The following NFIB variants were observed in gnomAD, a reference collection of about 807,000 sequenced individuals.
The protein encoded by NFIB is nuclear factor I B.
Under a neutral mutation model 61.5 loss-of-function variants are expected in NFIB, and 11 were observed. The observed-to-expected ratio is 0.18, with a 90% confidence interval of 0.11 to 0.30. The LOEUF is 0.30. Ranked by LOEUF, NFIB falls within the 10% of genes least tolerant of loss-of-function variation. NFIB has a pLI of 1.00. For missense variants in NFIB, 471 were observed against 608.9 expected, an observed-to-expected ratio of 0.77 and a Z score of 2.38; for synonymous variants, 260 against 216.5, an observed-to-expected ratio of 1.20 and a Z score of -1.76.
the NFIB span, among the ~76,000 whole-genome samples, chr9:14,480,947 T>C: frequency 6.6e-6 from 1 of 151,690 alleles, no homozygotes; most frequent in Non-Finnish European, 1.5e-5. Context: ...AATTAAGTTC[T>C]AAAAAATAAA....
At chr9:14,280,573 A>G (rs984638719) in intron 2 of NFIB, among the ~76,000 whole-genome samples, 1 of 152,168 alleles carries the variant, frequency 6.6e-6, no homozygotes, top group African/African-American at 2.4e-5. Flanking sequence ...TCAATTTATA[A>G]CACACCTTAA....
the NFIB span, among the ~76,000 whole-genome samples, chr9:14,531,021 T>G: frequency 6.6e-6 from 1 of 152,216 alleles, no homozygotes; most frequent in African/African-American, 2.4e-5. Flanking sequence ...TTCCCCATTC[T>G]TGTCACGACT....
At chr9:14,209,967 T>C (rs2050148093) in intron 2 of NFIB, among the ~76,000 whole-genome samples, 1 of 152,212 alleles carries the variant, frequency 6.6e-6, no homozygotes, top group African/African-American at 2.4e-5. Context: ...AAATGCTTTT[T>C]ATTTAATACA....
chr9:14,318,629 T>C (rs2060596285), upstream of NFIB, among the ~76,000 whole-genome samples: 1 of 147,322 alleles, frequency 6.8e-6, no homozygotes, highest in Non-Finnish European at 1.5e-5. Context: ...AAGAGACAGA[T>C]GACCTCCTGA....
At chr9:14,455,865 A>G in the NFIB span, among the ~76,000 whole-genome samples, 5 of 152,320 alleles carry the variant, frequency 3.3e-5, no homozygotes, top group Non-Finnish European at 7.3e-5. Flanking sequence ...TAAAACATAG[A>G]ATCTAAATAA....
chr9:14,291,909 T>A (rs2059128215), intron 2 of NFIB, among the ~76,000 whole-genome samples: 1 of 152,110 alleles, frequency 6.6e-6, no homozygotes, highest in Non-Finnish European at 1.5e-5. Flanking sequence ...TCAACCAGCA[T>A]CAAATTTTGG....
intron 1 of NFIB, among the ~76,000 whole-genome samples, chr9:14,393,922 A>T (rs1197136716): frequency 2.6e-5 from 4 of 152,244 alleles, no homozygotes; most frequent in Non-Finnish European, 5.9e-5. Flanking sequence ...TAACAAATAC[A>T]GAAATGGTTA....
chr9:14,441,864 G>A, the NFIB span, among the ~76,000 whole-genome samples: 13 of 152,140 alleles, frequency 8.5e-5, no homozygotes, highest in African/African-American at 2.2e-4. Flanking sequence ...GTACACTTAC[G>A]AGAGGCAACT....
At chr9:14,242,713 TCAAC>T (rs545752354) in intron 2 of NFIB, among the ~76,000 whole-genome samples, 90 of 152,280 alleles carry the variant, frequency 5.9e-4, no homozygotes, top group Admixed American at 2.4e-3. Flanking sequence ...GGGTATATGA[TCAAC>T]AAAGCAATTA....
chr9:14,422,909 T>C, the NFIB span, among the ~76,000 whole-genome samples: 1 of 152,174 alleles, frequency 6.6e-6, no homozygotes, highest in South Asian at 2.1e-4. Flanking sequence ...GCCCCCAGCC[T>C]CCATCTAGAG....
chr9:14,490,410 C>T, the NFIB span, among the ~76,000 whole-genome samples: 3 of 151,992 alleles, frequency 2.0e-5, no homozygotes, highest in African/African-American at 4.8e-5. Context: ...AGTAGAAAAA[C>T]ATTTCTTTAA....
chr9:14,380,724 G>A (rs564320935), intron 1 of NFIB, among the ~76,000 whole-genome samples: 3 of 152,258 alleles, frequency 2.0e-5, no homozygotes, highest in East Asian at 1.9e-4. Context: ...GGAGCATGGT[G>A]CTTTTTATAC....
At chr9:14,458,752 A>G in the NFIB span, among the ~76,000 whole-genome samples, 55 of 152,186 alleles carry the variant, frequency 3.6e-4, no homozygotes, top group African/African-American at 1.1e-3. Flanking sequence ...AATCATGAGT[A>G]AACTCCCATT....
intron 2 of NFIB, among the ~76,000 whole-genome samples, chr9:14,305,227 G>T (rs1378519015): frequency 2.0e-5 from 3 of 152,092 alleles, no homozygotes; most frequent in Non-Finnish European, 4.4e-5. Context: ...GAGTAAATGT[G>T]CATGCAGGCA....
the NFIB span, among the ~76,000 whole-genome samples, chr9:14,515,188 T>C: frequency 2.0e-5 from 3 of 151,590 alleles, no homozygotes; most frequent in South Asian, 2.1e-4. Context: ...ATAAGGGGCA[T>C]TGGGAAGCTA....
chr9:14,367,993 C>T (rs903972836), intron 1 of NFIB, among the ~76,000 whole-genome samples: 2 of 152,110 alleles, frequency 1.3e-5, no homozygotes, highest in Non-Finnish European at 2.9e-5. Context: ...CAAACCTGCA[C>T]GTTCTGCACA....
At chr9:14,292,001 G>A (rs1306752377) in intron 2 of NFIB, among the ~76,000 whole-genome samples, 1 of 152,046 alleles carries the variant, frequency 6.6e-6, no homozygotes, top group Non-Finnish European at 1.5e-5. Context: ...GATTTCGTTA[G>A]AATACTTCCT....
intron 6 of NFIB, among the ~76,000 whole-genome samples, chr9:14,143,708 T>A (rs1275930080): frequency 6.6e-6 from 1 of 152,190 alleles, no homozygotes; most frequent in African/African-American, 2.4e-5. Context: ...GCTATTTCAA[T>A]GACTGGAGTG....
chr9:14,246,789 G>T (rs2054979886), intron 2 of NFIB, among the ~76,000 whole-genome samples: 1 of 152,164 alleles, frequency 6.6e-6, no homozygotes, highest in South Asian at 2.1e-4. Flanking sequence ...ATATCACCCT[G>T]CTATTGACTG....
Sources: gnomAD v4.1 joint callset for allele counts (sites outside exome capture counted in the v4.1 genomes callset) on GRCh38, gnomAD v4.1.1 for gene constraint, MANE v1.5 for transcripts, NCBI Gene and HGNC (gene_info 2026-07-23, HGNC 2026-07-21) for gene names.